Variants in ZNF804A observed in about 807,000 individuals in gnomAD.
The protein encoded by ZNF804A is zinc finger protein 804A.
In ZNF804A, 2 loss-of-function variants were observed where a neutral mutation model predicts 16.5. The observed-to-expected ratio is 0.12, with a 90% confidence interval of 0.05 to 0.38. The LOEUF (loss-of-function observed/expected upper bound fraction) is 0.38, where lower values mean the gene tolerates loss of function less well. Ranked by LOEUF, ZNF804A falls within the 10% of genes least tolerant of loss-of-function variation. The probability of loss-of-function intolerance (pLI) is 0.99; values close to 1 mark genes in which losing one functional copy is unlikely to be tolerated. For missense variants in ZNF804A, 1,473 were observed against 1,390.7 expected, an observed-to-expected ratio of 1.06 and a Z score of -0.94; for synonymous variants, 534 against 489.6, an observed-to-expected ratio of 1.09 and a Z score of -1.20.
chr2:184,890,041 G>C (rs1257157620), intron 2 of ZNF804A, among the ~76,000 whole-genome samples: 1 of 152,050 alleles, frequency 6.6e-6, no homozygotes, highest in Non-Finnish European at 1.5e-5. Context: ...TTAATGTGGA[G>C]AGGTTGATAC....
chr2:184,837,501 T>A (rs1044112027), intron 1 of ZNF804A, among the ~76,000 whole-genome samples: 1 of 152,138 alleles, frequency 6.6e-6, no homozygotes, highest in East Asian at 1.9e-4. Flanking sequence ...TACCTCGATA[T>A]TTTAAAGAAA....
At chr2:184,731,272 AAAAAAAAAG>A (rs1693513468) in intron 1 of ZNF804A, among the ~76,000 whole-genome samples, 1 of 149,620 alleles carries the variant, frequency 6.7e-6, no homozygotes, top group African/African-American at 2.4e-5. Context: ...AAAAAAAAAA[AAAAAAAAAG>A]GAAAAAAGAA....
At chr2:184,609,021 C>T (rs895308055) in intron 1 of ZNF804A, among the ~76,000 whole-genome samples, 3 of 151,918 alleles carry the variant, frequency 2.0e-5, no homozygotes, top group Admixed American at 6.6e-5. Flanking sequence ...TAGACACTTA[C>T]GAATTCAAGG....
chr2:184,784,276 C>A (rs1382813955), intron 1 of ZNF804A, among the ~76,000 whole-genome samples: 1 of 151,828 alleles, frequency 6.6e-6, no homozygotes, highest in African/African-American at 2.4e-5. Flanking sequence ...TCTTCAGCAG[C>A]AAGACATTTT....
intron 1 of ZNF804A, among the ~76,000 whole-genome samples, chr2:184,641,854 G>A (rs2105694140): frequency 6.6e-6 from 1 of 152,246 alleles, no homozygotes; most frequent in East Asian, 1.9e-4. Context: ...TGCCTTTGTT[G>A]ACTATCTGGA....
At chr2:184,670,088 A>T (rs1218033990) in intron 1 of ZNF804A, among the ~76,000 whole-genome samples, 1 of 152,118 alleles carries the variant, frequency 6.6e-6, no homozygotes, top group African/African-American at 2.4e-5. Context: ...AGCATTTTGA[A>T]GATTTTTCTG....
At chr2:184,872,531 TATGATAAACCTAA>T (rs1352380128) in intron 2 of ZNF804A, among the ~76,000 whole-genome samples, 2 of 152,232 alleles carry the variant, frequency 1.3e-5, no homozygotes, top group East Asian at 1.9e-4. Flanking sequence ...ATAGACCATA[TATGATAAACCTAA>T]ATGATAAACC....
intron 1 of ZNF804A, among the ~76,000 whole-genome samples, chr2:184,693,058 G>A (rs1324985134): frequency 6.6e-6 from 1 of 152,060 alleles, no homozygotes; most frequent in Non-Finnish European, 1.5e-5. Flanking sequence ...AATATAAGAA[G>A]TGTCATCATA....
rs142093732 is a variant in ZNF804A at position 184,599,557 on chromosome 2, C to A, written c.111+487C>A. On this transcript the variant is annotated intron_variant, in intron 1 of 3. Coordinates refer to ENST00000302277, the MANE Select transcript of ZNF804A (RefSeq NM_194250.2). Reference sequence around the variant, plus strand: ...TGTATTCCAGCTCTTTCCTGAAGGACTGATAGCAAACTTCTCCAGTGAGAA... The same window carrying A: ...TGTATTCCAGCTCTTTCCTGAAGGAATGATAGCAAACTTCTCCAGTGAGAA... Among the ~76,000 whole-genome samples the A allele has an allele frequency of 5.0e-3, 769 of 152,280 alleles. 6 individuals carry two copies. Among genetic ancestry groups the A allele is most frequent in the Non-Finnish European group, 6.7e-3 (456 of 68,022 alleles).
intron 1 of ZNF804A, among the ~76,000 whole-genome samples, chr2:184,783,509 T>C (rs1694404579): frequency 6.6e-6 from 1 of 151,954 alleles, no homozygotes; most frequent in South Asian, 2.1e-4. Flanking sequence ...CAGAAGGTAG[T>C]TCTACAGAGG....
chr2:184,808,402 T>C (rs1156868262), intron 1 of ZNF804A, among the ~76,000 whole-genome samples: 1 of 151,642 alleles, frequency 6.6e-6, no homozygotes, highest in Non-Finnish European at 1.5e-5. Context: ...AAGTTCATGA[T>C]TTTTGGCAGA....
intron 1 of ZNF804A, among the ~76,000 whole-genome samples, chr2:184,724,773 T>G (rs557935233): frequency 1.3e-5 from 2 of 151,704 alleles, no homozygotes; most frequent in African/African-American, 4.8e-5. Flanking sequence ...GGGAAATGTA[T>G]GCCTATTGCA....
At chr2:184,846,380 A>G (rs901247872) in intron 1 of ZNF804A, among the ~76,000 whole-genome samples, 1 of 152,154 alleles carries the variant, frequency 6.6e-6, no homozygotes, top group African/African-American at 2.4e-5. Flanking sequence ...AAAATGGCCA[A>G]TGCCTATACA....
chr2:184,630,862 T>C (rs1691595084), intron 1 of ZNF804A, among the ~76,000 whole-genome samples: 1 of 149,176 alleles, frequency 6.7e-6, no homozygotes. Context: ...AATCTGTCAT[T>C]TTAAAAAAAA....
chr2:184,894,790 G>A (rs912829443), intron 2 of ZNF804A, among the ~76,000 whole-genome samples: 4 of 151,778 alleles, frequency 2.6e-5, no homozygotes, highest in African/African-American at 4.8e-5. Flanking sequence ...GGTTCACGCC[G>A]TTCCCCTGCC....
Position 184,818,278 on chromosome 2 carries a change from G to T in ZNF804A, c.112-48091G>T, listed in dbSNP as rs1196936583. Among the ~76,000 whole-genome samples, 4 of 151,954 alleles carry T rather than the reference G, an allele frequency of 2.6e-5. No homozygotes were observed. In the East Asian group the frequency reaches 7.7e-4, roughly 29 times the overall value. ...TCAATATTTTTAAAGAAAATAATTT[G>T]CAACCCAGAATTGGATATCTGTCCA... On this transcript the variant is annotated intron_variant, in intron 1 of 3. Coordinates refer to ENST00000302277, the MANE Select transcript of ZNF804A (RefSeq NM_194250.2).
intron 1 of ZNF804A, among the ~76,000 whole-genome samples, chr2:184,849,249 A>T (rs1226969816): frequency 6.6e-6 from 1 of 151,974 alleles, no homozygotes; most frequent in Admixed American, 6.6e-5. Flanking sequence ...ATGGAGCGGG[A>T]TTTTGCAAGC....
intron 1 of ZNF804A, among the ~76,000 whole-genome samples, chr2:184,824,026 TTTTATA>T (rs1695124208): frequency 6.6e-6 from 1 of 152,148 alleles, no homozygotes; most frequent in Non-Finnish European, 1.5e-5. Context: ...CATTGTAAGA[TTTTATA>T]TTTATTGAAC....
chr2:184,922,461 A>C (rs1396869454), intron 2 of ZNF804A, among the ~76,000 whole-genome samples: 1 of 151,670 alleles, frequency 6.6e-6, no homozygotes, highest in Non-Finnish European at 1.5e-5. Context: ...TTTTTTTCTT[A>C]TAGAGTTGTT....
Sources: gnomAD v4.1 joint callset for allele counts (sites outside exome capture counted in the v4.1 genomes callset) on GRCh38, gnomAD v4.1.1 for gene constraint, MANE v1.5 for transcripts, NCBI Gene and HGNC (gene_info 2026-07-23, HGNC 2026-07-21) for gene names.